Variants in PTPRD observed in about 807,000 individuals in gnomAD.
PTPRD encodes receptor-type tyrosine-protein phosphatase delta.
In PTPRD, 34 loss-of-function variants were observed where a neutral mutation model predicts 214.5. That is an observed-to-expected ratio of 0.16 (90% CI 0.12 to 0.21). PTPRD has a LOEUF of 0.21. PTPRD is among the 10% of genes least tolerant of loss of function. PTPRD has a pLI of 1.00. For synonymous variants in PTPRD, 1,128 were observed against 845.7 expected (o/e 1.33, Z -5.79); for missense variants, 2,545 against 2,398.7 (o/e 1.06, Z -1.27).
intron 2 of PTPRD, among the ~76,000 whole-genome samples, chr9:10,537,815 C>G (rs1348075427): frequency 6.6e-6 from 1 of 152,106 alleles, no homozygotes; most frequent in Non-Finnish European, 1.5e-5. Context: ...ACAAGCCAGG[C>G]TTTTCCTTAT....
chr9:10,217,705 A>G (rs1395427524), intron 3 of PTPRD, among the ~76,000 whole-genome samples: 1 of 152,008 alleles, frequency 6.6e-6, no homozygotes, highest in East Asian at 1.9e-4. Flanking sequence ...CATAGTAGTC[A>G]TGATGTAAGA....
At chr9:8,487,168 A>T (rs369849132) in intron 27 of PTPRD, among the ~76,000 whole-genome samples, 22 of 152,184 alleles carry the variant, frequency 1.4e-4, no homozygotes, top group Admixed American at 6.5e-4. Context: ...ATTCATGTAA[A>T]AGTCTTAGCA....
intron 4 of PTPRD, among the ~76,000 whole-genome samples, chr9:9,949,325 A>G (rs527970564): frequency 1.3e-5 from 2 of 152,138 alleles, no homozygotes; most frequent in South Asian, 4.1e-4. Flanking sequence ...CCTTTAAAAC[A>G]TTATAAGACT....
intron 2 of PTPRD, among the ~76,000 whole-genome samples, chr9:10,355,632 C>T (rs1347595779): frequency 6.6e-6 from 1 of 152,022 alleles, no homozygotes; most frequent in Non-Finnish European, 1.5e-5. Context: ...GCATGCACGA[C>T]CATGTCCGGC....
chr9:8,370,840 G>A (rs1259082271), intron 39 of PTPRD, among the ~76,000 whole-genome samples: 1 of 152,034 alleles, frequency 6.6e-6, no homozygotes, highest in African/African-American at 2.4e-5. Flanking sequence ...TAATGGCCTT[G>A]CCACCACTAG....
intron 8 of PTPRD, among the ~76,000 whole-genome samples, chr9:9,549,355 A>G (rs1352353301): frequency 1.3e-5 from 2 of 152,090 alleles, no homozygotes; most frequent in Non-Finnish European, 2.9e-5. Context: ...CAATTTTTAA[A>G]TGGGTGAAAT....
In PTPRD at chr9:10,030,009, T is replaced by A. The variant is rs1322977097; in HGVS notation, c.-472+3709A>T. On this transcript the variant is annotated intron_variant, in intron 4 of 45. Coordinates refer to ENST00000381196, the MANE Select transcript of PTPRD (RefSeq NM_002839.4). ...AAATAAGTCTCATAAGATCTGATGG[T>A]TTTTGAAAGAGTGGGATTTCACTGA... Among the ~76,000 whole-genome samples the A allele has an allele frequency of 2.0e-5, 3 of 152,236 alleles. No homozygotes were observed. The East Asian group carries it at 5.8e-4, about 29-fold the overall frequency.
intron 6 of PTPRD, among the ~76,000 whole-genome samples, chr9:9,753,331 A>G (rs1169571944): frequency 1.3e-5 from 2 of 151,958 alleles, no homozygotes; most frequent in African/African-American, 4.8e-5. Flanking sequence ...TGGACAACAT[A>G]TCAATTTGTG....
chr9:10,334,123 G>C (rs2096800269), intron 3 of PTPRD, among the ~76,000 whole-genome samples: 1 of 151,572 alleles, frequency 6.6e-6, no homozygotes, highest in Non-Finnish European at 1.5e-5. Context: ...TGTGTATAAA[G>C]TAAGTATACA....
chr9:9,263,592 A>C (rs928996956), intron 9 of PTPRD, among the ~76,000 whole-genome samples: 18 of 151,662 alleles, frequency 1.2e-4, no homozygotes, highest in Non-Finnish European at 2.1e-4. Context: ...GTAAATATCC[A>C]ATTTTCCCTG....
intron 7 of PTPRD, among the ~76,000 whole-genome samples, chr9:9,577,771 C>A (rs2089390883): frequency 6.6e-6 from 1 of 151,896 alleles, no homozygotes; most frequent in Non-Finnish European, 1.5e-5. Context: ...TCAGTCCGGG[C>A]ACGGTGGCTC....
At chr9:9,935,323 AC>A (rs1256528137) in intron 5 of PTPRD, among the ~76,000 whole-genome samples, 1 of 151,926 alleles carries the variant, frequency 6.6e-6, no homozygotes, top group Non-Finnish European at 1.5e-5. Context: ...TATCTAGAAA[AC>A]CCCATCATCG....
At chr9:9,863,980 C>G (rs1371914418) in intron 5 of PTPRD, among the ~76,000 whole-genome samples, 2 of 152,042 alleles carry the variant, frequency 1.3e-5, no homozygotes, top group African/African-American at 2.4e-5. Context: ...TAGAAATATC[C>G]AAAAGATTGT....
rs533021891 is a variant in PTPRD, at chr9:9,350,064, AC to A, written c.-203+47384del. ...GCTTGAAGAGGTAGGAACGGAAAGG[AC>A]CCCAGGAGCTATGCTCCAGAGTGGT... On this transcript the variant is annotated intron_variant, in intron 9 of 45. Transcript: ENST00000381196. 2.4e-3 allele frequency among the ~76,000 whole-genome samples: 369 copies of A among 151,938 alleles called. 1 individual carries two copies. The highest frequency in any genetic ancestry group is 8.6e-3 in the African/African-American group (356 of 41,464).
intron 34 of PTPRD, chr9:8,437,229 A>C: frequency 1.3e-6 from 2 of 1,525,254 alleles, no homozygotes; most frequent in Non-Finnish European, 1.8e-6. Context: ...GGTAACCGGA[A>C]TCATCTGAAC....
chr9:8,666,877 G>A (rs930120143), intron 12 of PTPRD, among the ~76,000 whole-genome samples: 7 of 152,092 alleles, frequency 4.6e-5, no homozygotes, highest in African/African-American at 7.2e-5. Context: ...ACTGATGTAC[G>A]ACTAAAAACT....
chr9:8,526,505 G>GAAA, intron 17 of PTPRD, 122 bp downstream of exon 17: 8 of 623,710 alleles, frequency 1.3e-5, no homozygotes, highest in East Asian at 7.6e-5. Flanking sequence ...ACAGTACAAA[G>GAAA]AAAAAAAAAA....
intron 14 of PTPRD, among the ~76,000 whole-genome samples, chr9:8,581,848 G>T (rs2093157305): frequency 6.8e-6 from 1 of 147,036 alleles, no homozygotes; most frequent in African/African-American, 2.6e-5. Flanking sequence ...CCCAGCATTT[G>T]GGGAGGTGGA....
intron 8 of PTPRD, among the ~76,000 whole-genome samples, chr9:9,474,230 C>G (rs4388502): frequency 0.7 from 106,663 of 151,908 alleles, 37,583 homozygotes; most frequent in South Asian, 0.75. Flanking sequence ...CCTAACGTAT[C>G]TTCTTGGTAC....
Sources: gnomAD v4.1 joint callset for allele counts (sites outside exome capture counted in the v4.1 genomes callset) on GRCh38, gnomAD v4.1.1 for gene constraint, MANE v1.5 for transcripts, NCBI Gene and HGNC (gene_info 2026-07-23, HGNC 2026-07-21) for gene names.